The following CCDC33 variants were observed in gnomAD, a reference collection of about 807,000 sequenced individuals.
The protein encoded by CCDC33 is coiled-coil domain containing 33, also known as coiled-coil domain-containing protein 33.
Under a neutral mutation model 91.9 loss-of-function variants are expected in CCDC33, and 94 were observed. That is an observed-to-expected ratio of 1.02 (90% CI 0.87 to 1.21). The LOEUF (loss-of-function observed/expected upper bound fraction) is 1.21. Among genes scored for constraint, CCDC33 ranks in the 50% most tolerant of loss-of-function variants. The pLI is 0.00. For missense variants in CCDC33, 940 were observed against 935.5 expected, an observed-to-expected ratio of 1.00 and a Z score of -0.06; for synonymous variants, 396 against 374.5, an observed-to-expected ratio of 1.06 and a Z score of -0.66.
chr15:74,312,648 T>C (rs1567023986), intron 11 of CCDC33, among the ~76,000 whole-genome samples: 2 of 152,196 alleles, frequency 1.3e-5, no homozygotes, highest in African/African-American at 2.4e-5. Flanking sequence ...TGTGTCCTTA[T>C]CAGGAGTGTG....
chr15:74,308,493 C>T (rs904316564), intron 11 of CCDC33, among the ~76,000 whole-genome samples: 7 of 152,154 alleles, frequency 4.6e-5, no homozygotes, highest in South Asian at 2.1e-4. Context: ...CCAGAGCTGC[C>T]GTCCCCTCCT....
intron 2 of CCDC33, among the ~76,000 whole-genome samples, chr15:74,256,554 T>C (rs1442096629): frequency 6.6e-6 from 1 of 152,114 alleles, no homozygotes; most frequent in African/African-American, 2.4e-5. Context: ...CCCATAGGAC[T>C]GTGATGGTGA....
chr15:74,239,886 A>G (rs1412191575), intron 1 of CCDC33, among the ~76,000 whole-genome samples: 1 of 152,184 alleles, frequency 6.6e-6, no homozygotes, highest in Non-Finnish European at 1.5e-5. Flanking sequence ...CAGTATATGC[A>G]TTTTCTGTTC....
intron 2 of CCDC33, among the ~76,000 whole-genome samples, chr15:74,230,469 A>G (rs2074935540): frequency 6.6e-6 from 1 of 152,168 alleles, no homozygotes; most frequent in Non-Finnish European, 1.5e-5. Flanking sequence ...GCCCAAAAGC[A>G]ACGTTGCATC....
At chr15:74,228,370 T>C (rs951095718) in intron 2 of CCDC33, among the ~76,000 whole-genome samples, 1 of 152,224 alleles carries the variant, frequency 6.6e-6, no homozygotes, top group African/African-American at 2.4e-5. Flanking sequence ...AGCAGGACTG[T>C]TGAATTCAAT....
chr15:74,295,784 A>G lies in CCDC33; in HGVS notation c.1126A>G (p.Ser376Gly). Residue 376 changes from serine (S) to glycine (G), a missense_variant, in exon 11 of 19, where the codon AGC (serine) becomes GGC (glycine). Coordinates refer to ENST00000398814, the MANE Select transcript of CCDC33 (RefSeq NM_025055.5). ...RPENFLTPNN[S>G]KALPTLDPKI... is the part of the protein sequence containing the mutation. The stretch of plus-strand genomic sequence containing the variant: ...AGAAAACTTCTTGACACCAAACAAC[A>G]GCAAGGCTCTTCCTACCTTGGACCC... 1.9e-6 allele frequency: 3 copies of G among 1,613,810 alleles called. No individual in the cohort carries two copies. The highest frequency in any genetic ancestry group is 2.5e-6 in the Non-Finnish European group (3 of 1,179,904).
intron 1 of CCDC33, among the ~76,000 whole-genome samples, chr15:74,205,520 A>G (rs1238236820): frequency 6.6e-6 from 1 of 152,220 alleles, no homozygotes; most frequent in East Asian, 1.9e-4. Context: ...GAGGGCACCA[A>G]GCCATTCAGG....
At chr15:74,209,351 C>T in intron 1 of CCDC33, 1 of 1,533,428 alleles carries the variant, frequency 6.5e-7, no homozygotes, top group Non-Finnish European at 8.7e-7. Context: ...GAGGAACCCC[C>T]TACTTACCTC....
chr15:74,330,280 G>A lies in CCDC33; in HGVS notation c.1382G>A (p.Arg461His), dbSNP rs780246394. The A allele has an allele frequency of 2.1e-5, 34 of 1,612,214 alleles. No homozygotes were observed. The highest frequency in any genetic ancestry group is 1.9e-4 in the South Asian group (17 of 90,956). ...RQASILEGEN[R>H]ILRSRLAQQE... The stretch of plus-strand genomic sequence containing the variant: ...GCCAGCATCCTGGAAGGAGAGAACC[G>A]CATACTGAGGAGCCGCCTGGCCCAG... The change falls in exon 12 of 19, where the codon CGC becomes CAC. Residue 461 changes from arginine (R) to histidine (H), a missense_variant. By Grantham distance (29) the Arg-to-His change is conservative (BLOSUM62 0). Coordinates refer to ENST00000398814, the MANE Select transcript of CCDC33 (RefSeq NM_025055.5).
At chr15:74,326,612 G>T (rs937131972) in intron 11 of CCDC33, among the ~76,000 whole-genome samples, 5 of 152,276 alleles carry the variant, frequency 3.3e-5, no homozygotes, top group African/African-American at 1.2e-4. Flanking sequence ...CACCTGGGCA[G>T]GATCTGATAG....
downstream of CCDC33, chr15:74,336,330 G>T (rs2060566927): frequency 7.3e-7 from 1 of 1,377,090 alleles, no homozygotes; most frequent in Admixed American, 2.2e-5. Flanking sequence ...GCCTTCCAAA[G>T]CAGGGGCCAG....
At chr15:74,209,960 T>C (rs1401592065) in intron 2 of CCDC33, among the ~76,000 whole-genome samples, 1 of 152,080 alleles carries the variant, frequency 6.6e-6, no homozygotes, top group Admixed American at 6.5e-5. Flanking sequence ...CAGGCTTTTG[T>C]ATGTGAGATT....
At chr15:74,266,878 C>A in intron 4 of CCDC33, 91 bp downstream of exon 4, 1 of 838,172 alleles carries the variant, frequency 1.2e-6, no homozygotes, top group Middle Eastern at 3.5e-4. Context: ...CCTGAGCATC[C>A]CACACCCACC....
At position 74,230,448 on chromosome 15, in the gene CCDC33, A is replaced by T. The variant is rs549108696; in HGVS notation, c.675+11587A>T. 7.2e-5 allele frequency among the ~76,000 whole-genome samples: 11 copies of T among 152,292 alleles called. No individual in the cohort carries two copies. The South Asian group carries it at 2.1e-3, about 29-fold the overall frequency. On this transcript the variant is annotated intron_variant, in intron 2 of 2. Transcript: ENST00000635913. ...TTGTTACACGAGTTATTGATTTTTC[A>T]AAAGAAAAATGCCCAAAAGCAACGT...
intron 2 of CCDC33, chr15:74,209,577 G>T (rs2074338030): frequency 1.3e-6 from 1 of 741,996 alleles, no homozygotes. Context: ...CCCCCTCGGA[G>T]CTTTCTCTTC....
intron 2 of CCDC33, 151 bp from the exon 3 acceptor site, chr15:74,262,289 G>A (rs2076045442): frequency 5.0e-6 from 5 of 994,934 alleles, no homozygotes; most frequent in Admixed American, 2.4e-5. Context: ...TGGGGGAGAG[G>A]CCTGGGATGA....
intron 11 of CCDC33, among the ~76,000 whole-genome samples, chr15:74,315,903 A>G (rs949610865): frequency 6.6e-6 from 1 of 152,108 alleles, no homozygotes; most frequent in Non-Finnish European, 1.5e-5. Context: ...AGCTGGGGGA[A>G]GGAAGTGTGA....
chr15:74,331,203 G>A lies in CCDC33; in HGVS notation c.1678G>A (p.Val560Met), dbSNP rs571639355. Residue 560 changes from valine (V) to methionine (M), a missense_variant and splice_region_variant, in exon 15 of 19, where the codon GTG becomes ATG. Transcript: ENST00000398814. ...LEETVRHQEK[V>M]IEKMERVLED... The stretch of plus-strand genomic sequence containing the variant: ...GCCCAGCCTCTGCTCTGCTCTCCAG[G>A]TGATCGAGAAGATGGAGCGGGTGCT... The A allele has an allele frequency of 5.6e-6, 9 of 1,614,186 alleles. No individual in the cohort carries two copies. The African/African-American group carries it at 1.1e-4, about 19-fold the overall frequency.
upstream of CCDC33, among the ~76,000 whole-genome samples, chr15:74,233,812 C>T (rs1163030675): frequency 6.6e-6 from 1 of 152,352 alleles, no homozygotes; most frequent in East Asian, 1.9e-4. Flanking sequence ...AAAGGGTTAA[C>T]ATTTTGCCCA....
Sources: allele counts gnomAD v4.1 joint callset (sites outside exome capture counted in the v4.1 genomes callset), GRCh38; gene constraint gnomAD v4.1.1; transcripts MANE v1.5; gene names NCBI Gene and HGNC (gene_info 2026-07-23, HGNC 2026-07-21).